Variants in NTRK2 observed in about 807,000 individuals in gnomAD.
The protein encoded by NTRK2 is BDNF/NT-3 growth factors receptor.
NTRK2 carries 13 observed loss-of-function variants against 94.5 expected under a neutral mutation model. That is an observed-to-expected ratio of 0.14 (90% CI 0.09 to 0.22). The LOEUF (loss-of-function observed/expected upper bound fraction) is 0.22. Among genes scored for constraint, NTRK2 ranks in the 10% least tolerant of loss-of-function variants. The probability of loss-of-function intolerance (pLI) is 1.00; values close to 1 mark genes in which losing one functional copy is unlikely to be tolerated. For synonymous variants in NTRK2, 372 were observed against 407.4 expected (o/e 0.91, Z 1.05); for missense variants, 639 against 1,071.2 (o/e 0.60, Z 5.63).
intron 14 of NTRK2, among the ~76,000 whole-genome samples, chr9:84,928,163 C>A (rs2077889372): frequency 6.6e-6 from 1 of 152,086 alleles, no homozygotes; most frequent in South Asian, 2.1e-4. Flanking sequence ...TTAGTACCAA[C>A]TTGTATCTTA....
intron 14 of NTRK2, among the ~76,000 whole-genome samples, chr9:84,911,575 C>T (rs1317913629): frequency 6.6e-6 from 1 of 152,036 alleles, no homozygotes; most frequent in Non-Finnish European, 1.5e-5. Context: ...GAAGTATTCC[C>T]TTGTTATCTT....
intron 17 of NTRK2, among the ~76,000 whole-genome samples, chr9:85,012,669 G>T (rs926083456): frequency 6.6e-6 from 1 of 152,038 alleles, no homozygotes; most frequent in South Asian, 2.1e-4. Flanking sequence ...CAAACCTGAG[G>T]TATAATTATT....
At chr9:84,719,104 A>T (rs2061895180) in intron 6 of NTRK2, among the ~76,000 whole-genome samples, 1 of 152,138 alleles carries the variant, frequency 6.6e-6, no homozygotes. Context: ...CATAAATACC[A>T]CTTTATCAGT....
intron 17 of NTRK2, among the ~76,000 whole-genome samples, chr9:84,982,086 C>T (rs577153609): frequency 8.5e-5 from 13 of 152,300 alleles, no homozygotes; most frequent in Admixed American, 4.6e-4. Flanking sequence ...GCAATAGTAT[C>T]TTTCCTTTTT....
intron 17 of NTRK2, among the ~76,000 whole-genome samples, chr9:85,018,891 T>G (rs1832530952): frequency 6.6e-6 from 1 of 152,218 alleles, no homozygotes; most frequent in Admixed American, 6.5e-5. Flanking sequence ...CTTTATGAGC[T>G]TTTTGTTTAT....
chr9:84,944,215 T>TCTCTCTCTCTCA (rs1440338055), intron 15 of NTRK2, among the ~76,000 whole-genome samples: 3 of 120,316 alleles, frequency 2.5e-5, no homozygotes, highest in Non-Finnish European at 5.0e-5. Context: ...TCTCTCTCTC[T>TCTCTCTCTCTCA]CACACACACA....
At chr9:84,872,914 G>C in intron 14 of NTRK2, 2 of 1,065,138 alleles carry the variant, frequency 1.9e-6, no homozygotes, top group East Asian at 5.0e-5. Context: ...AGCCCACTTC[G>C]TCCTTGTCTT....
At chr9:84,758,311 A>G (rs959983729) in intron 12 of NTRK2, among the ~76,000 whole-genome samples, 10 of 152,018 alleles carry the variant, frequency 6.6e-5, no homozygotes, top group African/African-American at 2.2e-4. Context: ...GGTGGTAAAC[A>G]TATTTCTAAA....
chr9:84,704,665 T>A lies in NTRK2; in HGVS notation c.359+2246T>A, dbSNP rs185498389. Among the ~76,000 whole-genome samples the A allele has an allele frequency of 5.9e-5, 9 of 152,330 alleles. No individual in the cohort carries two copies. In the East Asian group the frequency reaches 1.7e-3, roughly 29 times the overall value. ...TTCTGAAGAAGCAATTGTTGGGATG[T>A]CAATCATTGATCAAATTGCAAAAAT... On this transcript the variant is annotated intron_variant, in intron 4 of 18. Coordinates refer to ENST00000277120, the MANE Select transcript of NTRK2 (RefSeq NM_006180.6).
At chr9:84,977,905 T>A (rs1827092613) in intron 17 of NTRK2, among the ~76,000 whole-genome samples, 1 of 152,174 alleles carries the variant, frequency 6.6e-6, no homozygotes, top group Non-Finnish European at 1.5e-5. Flanking sequence ...TTCCAGTGAT[T>A]TATATTCAGT....
chr9:84,890,539 G>C (rs1403820227), intron 14 of NTRK2, among the ~76,000 whole-genome samples: 1 of 152,168 alleles, frequency 6.6e-6, no homozygotes, highest in African/African-American at 2.4e-5. Context: ...TCATCCTCTA[G>C]GATCAGTTAT....
intron 2 of NTRK2, among the ~76,000 whole-genome samples, chr9:84,692,371 A>G (rs936269502): frequency 2.0e-5 from 3 of 152,108 alleles, no homozygotes; most frequent in African/African-American, 7.2e-5. Context: ...AGTTTCCAGA[A>G]CAGGTAAAAG....
upstream of NTRK2, chr9:84,668,545 A>G (rs1459293108): frequency 6.6e-6 from 1 of 152,258 alleles, no homozygotes; most frequent in Non-Finnish European, 1.5e-5. Flanking sequence ...CCGAGCCGCA[A>G]AAGGGAAGAC....
chr9:84,724,148 G>A, intron 7 of NTRK2, 76 bp from the exon 8 acceptor site: 2 of 1,527,384 alleles, frequency 1.3e-6, no homozygotes, highest in South Asian at 1.1e-5. Flanking sequence ...CTCTAGTTAG[G>A]GGAAGAAACC....
chr9:84,888,982 ATTTTTTTTTT>A (rs71369159), intron 14 of NTRK2, among the ~76,000 whole-genome samples: 6 of 101,684 alleles, frequency 5.9e-5, no homozygotes, highest in East Asian at 2.9e-4. Context: ...AATGACAGAA[ATTTTTTTTTT>A]TTTTTTTTTT....
At position 85,026,695 on chromosome 9, in the gene NTRK2, A is replaced by G. The variant is rs1244127393; in HGVS notation, c.*5258A>G. 3.9e-5 allele frequency: 9 copies of G among 232,912 alleles called. No individual in the cohort carries two copies. Among genetic ancestry groups the G allele is most frequent in the South Asian group, 1.8e-4 (1 of 5,528 alleles). The allele number at this position is 232,912 out of a possible 1,614,324, so 14.4% of individuals were successfully genotyped here. On this transcript the variant is annotated 3_prime_UTR_variant, in exon 19 of 19. Transcript: ENST00000277120. ...CTTCTGTATCTGGAGAGATGTTTGT[A>G]TATATCCAGGCCGTATACACACACA...
At chr9:84,917,122 A>G (rs1429989472) in intron 14 of NTRK2, among the ~76,000 whole-genome samples, 1 of 152,092 alleles carries the variant, frequency 6.6e-6, no homozygotes, top group Non-Finnish European at 1.5e-5. Flanking sequence ...TTGGTTTTGG[A>G]GAGAGGTTTG....
intron 12 of NTRK2, among the ~76,000 whole-genome samples, chr9:84,778,885 C>T (rs1054096958): frequency 6.6e-6 from 1 of 152,196 alleles, no homozygotes; most frequent in Admixed American, 6.5e-5. Context: ...TGTCCTCTCC[C>T]TCCTCAATGT....
At chr9:84,953,611 G>A (rs371215831) in intron 16 of NTRK2, among the ~76,000 whole-genome samples, 88 of 152,344 alleles carry the variant, frequency 5.8e-4, no homozygotes, top group African/African-American at 2.0e-3. Flanking sequence ...AATGTGACAA[G>A]AGGCAGCTGG....
Sources: allele counts gnomAD v4.1 joint callset (sites outside exome capture counted in the v4.1 genomes callset), GRCh38; gene constraint gnomAD v4.1.1; transcripts MANE v1.5; gene names NCBI Gene and HGNC (gene_info 2026-07-23, HGNC 2026-07-21).